Variants in FBLN5 observed in about 807,000 individuals in gnomAD.
The protein encoded by FBLN5 is fibulin 5.
In FBLN5, 24 loss-of-function variants were observed where a neutral mutation model predicts 61.6. The ratio of observed to expected loss-of-function variants is 0.39; its 90% CI spans 0.28 to 0.55. The LOEUF is 0.55. FBLN5 is among the 20% of genes least tolerant of loss of function. The pLI is 0.65. For missense variants in FBLN5, 470 were observed against 594.1 expected (o/e 0.79, Z 2.17); for synonymous variants, 213 against 219.8 (o/e 0.97, Z 0.27).
chr14:91,887,305 G>A lies in FBLN5; in HGVS notation c.627C>T (p.Asn209=), dbSNP rs368299186. ...NEDGRSCQDV[N]ECATENPCVQ... ...CGCAGGGGTTCTCGGTGGCACACTC[G>A]TTCACATCTGTGGAAAGCCAAGGCA... The change falls in exon 7 of 11, where the codon AAC becomes AAT. Residue 209 remains asparagine (N), a synonymous_variant. Coordinates refer to ENST00000342058, the MANE Select transcript of FBLN5 (RefSeq NM_006329.4). 20 of 1,609,366 alleles carry A rather than the reference G, an allele frequency of 1.2e-5. No homozygotes were observed. Among genetic ancestry groups the A allele is most frequent in the African/African-American group, 6.8e-5 (5 of 73,662 alleles).
intron 4 of FBLN5, among the ~76,000 whole-genome samples, chr14:91,923,358 T>A (rs1218277388): frequency 6.6e-6 from 1 of 152,228 alleles, no homozygotes; most frequent in Non-Finnish European, 1.5e-5. Context: ...TGGTGGGGAA[T>A]CTTGAGTGCC....
At position 91,943,055 on chromosome 14, in the gene FBLN5, A is replaced by G; in HGVS notation, c.18-94T>C. 1 of 840,884 alleles carries G rather than the reference A, an allele frequency of 1.2e-6. No homozygotes were observed. The highest frequency in any genetic ancestry group is 2.0e-6 in the Non-Finnish European group (1 of 499,508). 52.1% of individuals were successfully genotyped at this position (840,884 alleles called of 1,614,324 possible). A position where few individuals can be genotyped will look rare whatever the true frequency, so the allele number is the denominator to read the frequency against. On this transcript the variant is annotated intron_variant, in intron 1 of 10. Transcript: ENST00000342058. This position sits in a 1 kb window ranked among gnomAD's most constrained non-coding sequence, Gnocchi z 4.0. Reference sequence around the variant, plus strand: ...GCGGCCCGTGACGTGTAACGGTGATATCACCTTGGGCTTGTATGGGGTGGG... The same window carrying G: ...GCGGCCCGTGACGTGTAACGGTGATGTCACCTTGGGCTTGTATGGGGTGGG...
chr14:91,877,857 C>A, intron 9 of FBLN5, 175 bp from the exon 10 acceptor site: 2 of 676,788 alleles, frequency 3.0e-6, no homozygotes, highest in Non-Finnish European at 5.4e-6. Context: ...AGCATGTAGG[C>A]GAGCTCTGTT....
rs369271183 is a variant in FBLN5 at position 91,882,807 on chromosome 14, G to A, written c.862+147C>T. On this transcript the variant is annotated intron_variant, in intron 8 of 10. Transcript: ENST00000342058. The surrounding 1 kb of genome is among the most constrained non-coding windows in gnomAD (Gnocchi z 4.9). ...GCATCCTGCCCAGAGCTGCCACTATGAGAGCCACCAGCACCCACTCACACC... is the reference window on the plus strand; with the variant it reads ...GCATCCTGCCCAGAGCTGCCACTATAAGAGCCACCAGCACCCACTCACACC... The A allele has an allele frequency of 3.3e-5, 28 of 841,766 alleles. No individual in the cohort carries two copies. The African/African-American group carries it at 4.0e-4, about 12-fold the overall frequency. The allele number at this position is 841,766 out of a possible 1,614,324, so 52.1% of individuals were successfully genotyped here. A position where few individuals can be genotyped will look rare whatever the true frequency, so the allele number is the denominator to read the frequency against.
At chr14:91,922,381 G>A (rs571442010) in intron 4 of FBLN5, among the ~76,000 whole-genome samples, 1 of 151,996 alleles carries the variant, frequency 6.6e-6, no homozygotes, top group South Asian at 2.1e-4. Context: ...ACATTCCTAG[G>A]CCTGCCTTCC....
At chr14:91,872,055 T>C (rs918797190) in intron 10 of FBLN5, among the ~76,000 whole-genome samples, 1 of 152,116 alleles carries the variant, frequency 6.6e-6, no homozygotes, top group Non-Finnish European at 1.5e-5. Context: ...AATATTGATC[T>C]AAAAGCACAG....
intron 5 of FBLN5, among the ~76,000 whole-genome samples, chr14:91,893,829 C>T (rs1470125697): frequency 3.9e-5 from 6 of 152,244 alleles, no homozygotes; most frequent in South Asian, 2.1e-4. Flanking sequence ...AGGCCATAGC[C>T]GGTGGGGTGG....
intron 4 of FBLN5, among the ~76,000 whole-genome samples, chr14:91,927,469 T>C (rs973202693): frequency 2.0e-5 from 3 of 152,248 alleles, no homozygotes; most frequent in African/African-American, 7.2e-5. Context: ...AGTCCTCCAG[T>C]GGTGGATTCA....
chr14:91,931,404 C>T (rs1395652310), intron 4 of FBLN5, among the ~76,000 whole-genome samples: 1 of 152,208 alleles, frequency 6.6e-6, no homozygotes, highest in Non-Finnish European at 1.5e-5. Flanking sequence ...GCACTCTGTA[C>T]ACATTGGTTG....
chr14:91,915,499 T>C (rs1193688106), intron 4 of FBLN5, among the ~76,000 whole-genome samples: 1 of 151,690 alleles, frequency 6.6e-6, no homozygotes, highest in Non-Finnish European at 1.5e-5. Flanking sequence ...TCCTGGCTAA[T>C]ATGGTGAAAC....
chr14:91,940,679 G>T, intron 2 of FBLN5, 63 bp from the exon 3 acceptor site: 1 of 1,428,298 alleles, frequency 7.0e-7, no homozygotes, highest in Non-Finnish European at 9.9e-7. Flanking sequence ...TCTTATTGCT[G>T]CAACACAGAA....
intron 4 of FBLN5, among the ~76,000 whole-genome samples, chr14:91,909,061 G>A (rs1890805424): frequency 6.6e-6 from 1 of 152,112 alleles, no homozygotes; most frequent in Non-Finnish European, 1.5e-5. Context: ...GGGACTACAG[G>A]TGCCCACCAC....
chr14:91,887,424 C>T, intron 6 of FBLN5, 112 bp from the exon 7 acceptor site: 1 of 1,128,060 alleles, frequency 8.9e-7, no homozygotes, highest in East Asian at 2.4e-5. Context: ...ACCAGAGTCC[C>T]AGGTACCAAG....
chr14:91,939,293 T>C (rs139424140), intron 3 of FBLN5, among the ~76,000 whole-genome samples: 50 of 151,976 alleles, frequency 3.3e-4, no homozygotes, highest in African/African-American at 1.0e-3. Flanking sequence ...TTTCTTAGGA[T>C]CCTATTCATC....
intron 3 of FBLN5, among the ~76,000 whole-genome samples, chr14:91,937,523 G>A (rs1293785848): frequency 1.3e-5 from 2 of 152,144 alleles, no homozygotes; most frequent in Non-Finnish European, 2.9e-5. Flanking sequence ...GGGCCTTTAA[G>A]AGGTGATTGG....
intron 3 of FBLN5, chr14:91,938,348 G>T: frequency 5.9e-6 from 1 of 168,746 alleles, no homozygotes; most frequent in South Asian, 1.2e-4. Flanking sequence ...CCAGCTACTT[G>T]GGAGGCTGAG....
At chr14:91,891,779 G>A (rs1277957277) in intron 5 of FBLN5, among the ~76,000 whole-genome samples, 1 of 152,142 alleles carries the variant, frequency 6.6e-6, no homozygotes, top group Non-Finnish European at 1.5e-5. Context: ...TCCATATAGA[G>A]GCTCCACTGC....
At chr14:91,935,495 G>T (rs555848340) in intron 4 of FBLN5, among the ~76,000 whole-genome samples, 58 of 152,206 alleles carry the variant, frequency 3.8e-4, no homozygotes, top group Admixed American at 2.2e-3. Context: ...CATCCTGGAA[G>T]AGCAGCACCT....
At chr14:91,931,256 C>A (rs1042955463) in intron 4 of FBLN5, among the ~76,000 whole-genome samples, 1 of 152,184 alleles carries the variant, frequency 6.6e-6, no homozygotes, top group Non-Finnish European at 1.5e-5. Flanking sequence ...TCATCAGAGG[C>A]CGTCTTGAAT....
Sources: allele counts gnomAD v4.1 joint callset (sites outside exome capture counted in the v4.1 genomes callset), GRCh38; gene constraint gnomAD v4.1.1; non-coding constraint Gnocchi (gnomAD v3.1); transcripts MANE v1.5; gene names NCBI Gene and HGNC (gene_info 2026-07-23, HGNC 2026-07-21).